Variants in ROBO1 observed in about 807,000 individuals in gnomAD.
ROBO1 encodes the protein roundabout guidance receptor 1, also known as roundabout homolog 1.
ROBO1 carries 149 observed loss-of-function variants against 195.9 expected under a neutral mutation model. The ratio of observed to expected loss-of-function variants is 0.76; its 90% CI spans 0.67 to 0.87. The LOEUF is 0.87. ROBO1 is among the 40% of genes least tolerant of loss of function. The pLI, the probability that ROBO1 is intolerant of heterozygous loss-of-function variation, is 0.00. For missense variants in ROBO1, 1,933 were observed against 2,068.3 expected, an observed-to-expected ratio of 0.93 and a Z score of 1.27; for synonymous variants, 816 against 733.2, an observed-to-expected ratio of 1.11 and a Z score of -1.82.
rs923918599 is a variant in ROBO1, at chr3:78,642,704, A to G, written c.2883-2806T>C. 5.3e-5 allele frequency among the ~76,000 whole-genome samples: 8 copies of G among 152,182 alleles called. No individual in the cohort carries two copies. In the South Asian group the frequency reaches 8.3e-4, roughly 16 times the overall value. ...ACAAATGAGTAGCAACGGCTACTTA[A>G]TATTTCCATGATCATTTCCCTGGAT... is the stretch of plus-strand genomic sequence containing the variant. On this transcript the variant is annotated intron_variant, in intron 21 of 30. Transcript: ENST00000464233.
chr3:79,426,407 G>C (rs2038449187), intron 2 of ROBO1, among the ~76,000 whole-genome samples: 1 of 151,998 alleles, frequency 6.6e-6, no homozygotes, highest in Non-Finnish European at 1.5e-5. Flanking sequence ...GTCTTGCTCT[G>C]TCGCCCAGGC....
intron 2 of ROBO1, among the ~76,000 whole-genome samples, chr3:79,295,843 T>C (rs1372717270): frequency 1.3e-5 from 2 of 152,182 alleles, no homozygotes; most frequent in Non-Finnish European, 2.9e-5. Flanking sequence ...GAATCATTTC[T>C]ATACCACTCT....
At chr3:79,459,783 AT>A (rs1163799038) in intron 2 of ROBO1, among the ~76,000 whole-genome samples, 4 of 152,114 alleles carry the variant, frequency 2.6e-5, no homozygotes, top group Non-Finnish European at 4.4e-5. Flanking sequence ...AATAAAAAGC[AT>A]TTTCACAAGG....
chr3:78,771,023 C>T (rs533875707), intron 4 of ROBO1, among the ~76,000 whole-genome samples: 2 of 152,008 alleles, frequency 1.3e-5, no homozygotes, highest in East Asian at 3.9e-4. Context: ...GCTATGATCA[C>T]ACCACTGCAG....
chr3:78,884,699 GGAAGGAAA>G (rs914966525), intron 4 of ROBO1, among the ~76,000 whole-genome samples: 1 of 116,568 alleles, frequency 8.6e-6, no homozygotes, highest in South Asian at 2.6e-4. Context: ...AAGGAAGGAA[GGAAGGAAA>G]GAAAGAAGGA....
chr3:78,884,002 A>C (rs1032145365), intron 4 of ROBO1, among the ~76,000 whole-genome samples: 1 of 152,174 alleles, frequency 6.6e-6, no homozygotes, highest in Non-Finnish European at 1.5e-5. Flanking sequence ...AGAGTGTGCC[A>C]GGTAGTTTTG....
At chr3:79,019,590 G>A (rs2078055186) in intron 3 of ROBO1, 8 of 978,794 alleles carry the variant, frequency 8.2e-6, no homozygotes, top group Non-Finnish European at 9.7e-6. Context: ...GGTCAGGCAA[G>A]TTCTGCTCCT....
chr3:79,550,196 G>GAAAGAAAGAA lies in ROBO1; in HGVS notation c.88+39627_88+39628insTTCTTTCTTT, dbSNP rs1559984451. 2.7e-3 allele frequency among the ~76,000 whole-genome samples: 17 copies of GAAAGAAAGAA among 6,260 alleles called. No individual in the cohort carries two copies. The South Asian group carries it at 0.059, about 22-fold the overall frequency. 4.1% of individuals were successfully genotyped at this position (6,260 alleles called of 152,430 possible). On this transcript the variant is annotated intron_variant, in intron 2 of 30. Coordinates refer to ENST00000464233, the MANE Select transcript of ROBO1 (RefSeq NM_002941.4). ...GAAAGAAAGAAAGAAAGAAAGAAAG[G>GAAAGAAAGAA]AAAAGAAAAGAAAAGAAAAGAAAAG...
At chr3:78,738,351 T>C (rs1380694419) in intron 5 of ROBO1, among the ~76,000 whole-genome samples, 1 of 152,194 alleles carries the variant, frequency 6.6e-6, no homozygotes. Context: ...CTAATAATTT[T>C]ACCTCGTCAG....
chr3:79,305,243 T>C (rs1047887402), intron 2 of ROBO1, among the ~76,000 whole-genome samples: 18 of 152,054 alleles, frequency 1.2e-4, no homozygotes, highest in African/African-American at 4.3e-4. Context: ...TCCCAACACT[T>C]TGAGAGGCCG....
intron 2 of ROBO1, 133 bp downstream of exon 2, chr3:79,589,691 A>G: frequency 1.5e-6 from 1 of 677,682 alleles, no homozygotes; most frequent in East Asian, 2.6e-5. Context: ...ATACTCAAGA[A>G]GACATTCACA....
chr3:78,717,257 T>C lies in ROBO1; in HGVS notation c.917+18A>G. 6.5e-7 allele frequency: 1 copy of C among 1,533,124 alleles called. No homozygotes were observed. The highest frequency in any genetic ancestry group is 8.7e-7 in the Non-Finnish European group (1 of 1,144,526). The allele number at this position is 1,533,124 out of a possible 1,614,324, so 95.0% of individuals were successfully genotyped here. ...AATGCTGAGTTGACAAATCATATCA[T>C]GAAACTCTGATGTGTACCTGGATTT... On this transcript the variant is annotated intron_variant, in intron 7 of 30. Transcript: ENST00000464233.
chr3:78,623,437 CACAGA>C (rs1300343070), intron 26 of ROBO1, among the ~76,000 whole-genome samples: 2 of 152,130 alleles, frequency 1.3e-5, no homozygotes, highest in Non-Finnish European at 2.9e-5. Context: ...GTGAAGACAT[CACAGA>C]CATTGTTCGG....
chr3:78,901,334 A>G (rs1376155305), intron 4 of ROBO1, among the ~76,000 whole-genome samples: 1 of 152,220 alleles, frequency 6.6e-6, no homozygotes, highest in Non-Finnish European at 1.5e-5. Flanking sequence ...GGCAACAAAA[A>G]TAATAAAGTT....
At chr3:79,589,125 A>G (rs1428347713) in intron 2 of ROBO1, among the ~76,000 whole-genome samples, 1 of 151,592 alleles carries the variant, frequency 6.6e-6, no homozygotes, top group Admixed American at 6.6e-5. Context: ...ATTAACTTCA[A>G]TTGTTTCTGT....
At chr3:78,781,526 C>G (rs1249190724) in intron 4 of ROBO1, among the ~76,000 whole-genome samples, 1 of 152,146 alleles carries the variant, frequency 6.6e-6, no homozygotes, top group African/African-American at 2.4e-5. Context: ...AAAATCATTC[C>G]TCTAATCCCT....
intron 1 of ROBO1, among the ~76,000 whole-genome samples, chr3:79,741,064 A>G (rs780465084): frequency 6.6e-6 from 1 of 152,194 alleles, no homozygotes; most frequent in Non-Finnish European, 1.5e-5. Flanking sequence ...TAGTTTTGCC[A>G]AGGAAATATT....
At chr3:78,771,048 C>T (rs2083361480) in intron 4 of ROBO1, among the ~76,000 whole-genome samples, 1 of 151,532 alleles carries the variant, frequency 6.6e-6, no homozygotes, top group East Asian at 1.9e-4. Context: ...GCCTGGGTGA[C>T]AGAATAAGAC....
chr3:78,917,098 C>CGTT (rs2038646605), intron 4 of ROBO1, among the ~76,000 whole-genome samples: 1 of 114,610 alleles, frequency 8.7e-6, no homozygotes, highest in Admixed American at 8.4e-5. Context: ...TTTTGTTTTT[C>CGTT]GTTTTTTTTT....
Sources: allele counts gnomAD v4.1 joint callset (sites outside exome capture counted in the v4.1 genomes callset), GRCh38; gene constraint gnomAD v4.1.1; transcripts MANE v1.5; gene names NCBI Gene and HGNC (gene_info 2026-07-23, HGNC 2026-07-21).